Variants in THADA observed in about 807,000 individuals in gnomAD.
THADA encodes the protein THADA armadillo repeat containing.
A neutral mutation model predicts 219.8 loss-of-function variants in THADA; 213 were observed. The observed-to-expected ratio is 0.97, with a 90% CI of 0.87 to 1.09. The LOEUF is 1.09. THADA is among the 50% of genes least tolerant of loss of function. The probability of loss-of-function intolerance (pLI) is 0.00; values close to 1 mark genes in which losing one functional copy is unlikely to be tolerated. For synonymous variants in THADA, 1,018 were observed against 828.9 expected (o/e 1.23, Z -3.92); for missense variants, 2,956 against 2,311.3 (o/e 1.28, Z -5.72).
chr2:43,509,970 A>G (rs1399562491), intron 22 of THADA, among the ~76,000 whole-genome samples: 1 of 152,128 alleles, frequency 6.6e-6, no homozygotes, highest in East Asian at 1.9e-4. Context: ...AAAACTCCCA[A>G]CCACTAGATT....
chr2:43,320,426 A>T lies in THADA; in HGVS notation c.4438+20T>A. The T allele has an allele frequency of 6.3e-7, 1 of 1,587,360 alleles. No individual in the cohort carries two copies. Among genetic ancestry groups the T allele is most frequent in the Non-Finnish European group, 8.6e-7 (1 of 1,160,834 alleles). ...AAGATGTGTAACGATTCCAAAATAC[A>T]GTATAACTATGAATCATACCTGGCT... On this transcript the variant is annotated intron_variant, in intron 31 of 37. Coordinates refer to ENST00000405975, the MANE Select transcript of THADA (RefSeq NM_022065.5).
intron 25 of THADA, among the ~76,000 whole-genome samples, chr2:43,494,779 G>A (rs925548646): frequency 2.0e-5 from 3 of 152,096 alleles, no homozygotes; most frequent in Admixed American, 6.5e-5. Flanking sequence ...GTCTAATGCC[G>A]AAAATATTTA....
chr2:43,301,872 G>A lies in THADA; in HGVS notation c.4439-8659C>T, dbSNP rs79175400. On this transcript the variant is annotated intron_variant, in intron 31 of 37. Transcript: ENST00000405975. ...TTCACAATCGGGATTTTTCCCTGGT[G>A]CAACAACGTTTGTGTCCTGCCATAA... 8.3e-3 allele frequency among the ~76,000 whole-genome samples: 1,257 copies of A among 152,230 alleles called. 15 individuals are homozygous for A. The highest frequency in any genetic ancestry group is 0.029 in the African/African-American group (1,202 of 41,540).
intron 30 of THADA, among the ~76,000 whole-genome samples, chr2:43,331,560 T>G (rs1665774587): frequency 6.6e-6 from 1 of 152,210 alleles, no homozygotes; most frequent in African/African-American, 2.4e-5. Flanking sequence ...ACAACTGGTC[T>G]CTTATCAAAT....
rs2104805724 is a variant in THADA at position 43,426,030 on chromosome 2, C to T, written c.4058+2070G>A. Among the ~76,000 whole-genome samples the T allele has an allele frequency of 2.0e-5, 3 of 152,314 alleles. No homozygotes were observed. The South Asian group carries it at 6.2e-4, about 32-fold the overall frequency. ...TGGAAGAAAGCAACTACAACCGCAGCATTTTCTTTCACTGGAAGAACAGAC... is the reference window on the plus strand; with the variant it reads ...TGGAAGAAAGCAACTACAACCGCAGTATTTTCTTTCACTGGAAGAACAGAC... On this transcript the variant is annotated intron_variant, in intron 28 of 37. Transcript: ENST00000405975.
At position 43,542,223 on chromosome 2, in the gene THADA, A is replaced by G. The variant is rs529887918; in HGVS notation, c.3107-907T>C. ...TTTGTGTTTTTATTTAAAAAGCCCAATGCATTAAATGGGTAAGTGTACATA... is the reference window on the plus strand; with the variant it reads ...TTTGTGTTTTTATTTAAAAAGCCCAGTGCATTAAATGGGTAAGTGTACATA... On this transcript the variant is annotated intron_variant, in intron 20 of 37. Transcript: ENST00000405975. 3.3e-5 allele frequency among the ~76,000 whole-genome samples: 5 copies of G among 152,318 alleles called. No individual in the cohort carries two copies. The East Asian group carries it at 7.7e-4, about 24-fold the overall frequency.
At chr2:43,427,503 T>TTGTGTGTG (rs70963397) in intron 28 of THADA, among the ~76,000 whole-genome samples, 6,347 of 140,562 alleles carry the variant, frequency 0.045, 253 homozygotes, top group African/African-American at 0.1. Context: ...CTCCCAAAGT[T>TTGTGTGTG]TGTGTGTGTG....
chr2:43,551,782 T>C lies in THADA; in HGVS notation c.2947+7A>G. On this transcript the variant is annotated splice_region_variant and intron_variant, in intron 19 of 37. Coordinates refer to ENST00000405975, the MANE Select transcript of THADA (RefSeq NM_022065.5). ...AGCACTCTAGCCGGCCTTCTTCATT[T>C]GCTAACCTGAATCAGTGTCCATTGG... 6.2e-7 allele frequency: 1 copy of C among 1,609,908 alleles called. No individual in the cohort carries two copies. Among genetic ancestry groups the C allele is most frequent in the Non-Finnish European group, 8.5e-7 (1 of 1,178,478 alleles).
Position 43,543,710 on chromosome 2 carries a change from T to C in THADA, c.3107-2394A>G, listed in dbSNP as rs1210443156. On this transcript the variant is annotated intron_variant, in intron 20 of 37. Transcript: ENST00000405975. ...TCTGTTCATGTCCTTTGCCCACTTTTTGATGGGGTTGTTTTTTTCTTGTAA... is the reference window on the plus strand; with the variant it reads ...TCTGTTCATGTCCTTTGCCCACTTTCTGATGGGGTTGTTTTTTTCTTGTAA... Among the ~76,000 whole-genome samples, 6 of 152,358 alleles carry C rather than the reference T, an allele frequency of 3.9e-5. No individual in the cohort carries two copies. In the East Asian group the frequency reaches 1.2e-3, roughly 29 times the overall value.
intron 15 of THADA, among the ~76,000 whole-genome samples, chr2:43,560,842 C>T (rs1337742777): frequency 1.3e-5 from 2 of 151,772 alleles, no homozygotes; most frequent in African/African-American, 4.8e-5. Context: ...CAAAGTAAAA[C>T]CCCTTCTCTA....
At chr2:43,436,830 C>A (rs1369387497) in intron 26 of THADA, among the ~76,000 whole-genome samples, 1 of 152,178 alleles carries the variant, frequency 6.6e-6, no homozygotes, top group Non-Finnish European at 1.5e-5. Context: ...TACAGGAGTA[C>A]TAAGTGTGTC....
intron 31 of THADA, among the ~76,000 whole-genome samples, chr2:43,319,694 T>C (rs959483543): frequency 3.3e-5 from 5 of 152,142 alleles, no homozygotes; most frequent in African/African-American, 1.2e-4. Flanking sequence ...GACTTTGTAA[T>C]TCTAGCCTCC....
At chr2:43,340,655 C>T (rs1666967118) in intron 30 of THADA, among the ~76,000 whole-genome samples, 1 of 152,064 alleles carries the variant, frequency 6.6e-6, no homozygotes, top group South Asian at 2.1e-4. Flanking sequence ...TTTTTCATAG[C>T]TTATATTCAA....
chr2:43,280,736 T>C (rs1673248744), intron 35 of THADA, among the ~76,000 whole-genome samples: 2 of 152,172 alleles, frequency 1.3e-5, no homozygotes, highest in South Asian at 2.1e-4. Flanking sequence ...GGGTCCACTA[T>C]CTGACTGCCA....
At chr2:43,296,847 CCG>C in intron 31 of THADA, among the ~76,000 whole-genome samples, 1 of 150,014 alleles carries the variant, frequency 6.7e-6, no homozygotes, top group Non-Finnish European at 1.5e-5. Flanking sequence ...TAACGGCCGC[CCG>C]GGAGGCAGCG....
chr2:43,533,235 A>C (rs953581486), intron 21 of THADA, among the ~76,000 whole-genome samples: 55 of 152,338 alleles, frequency 3.6e-4, no homozygotes, highest in African/African-American at 1.3e-3. Flanking sequence ...AAAGTCTGGA[A>C]ACAACAGATG....
chr2:43,450,917 T>C (rs1682232706), intron 26 of THADA, among the ~76,000 whole-genome samples: 1 of 152,014 alleles, frequency 6.6e-6, no homozygotes, highest in Non-Finnish European at 1.5e-5. Context: ...AGACAGAAAG[T>C]AGAATGGTGG....
intron 35 of THADA, 21 bp from the exon 36 acceptor site, chr2:43,279,917 C>A: frequency 6.7e-7 from 1 of 1,494,432 alleles, no homozygotes; most frequent in South Asian, 1.4e-5. Context: ...CAAAAGGAAT[C>A]TGAATTACCT....
intron 28 of THADA, among the ~76,000 whole-genome samples, chr2:43,423,589 T>A (rs1182051943): frequency 6.6e-6 from 1 of 152,078 alleles, no homozygotes; most frequent in Admixed American, 6.5e-5. Flanking sequence ...CCTGCCACTA[T>A]GCCCGGCTAA....
Sources: allele counts gnomAD v4.1 joint callset (sites outside exome capture counted in the v4.1 genomes callset), GRCh38; gene constraint gnomAD v4.1.1; transcripts MANE v1.5; gene names NCBI Gene and HGNC (gene_info 2026-07-23, HGNC 2026-07-21).